NBEAL1: variants seen among roughly 807,000 people sequenced by gnomAD.
NBEAL1 encodes neurobeachin like 1.
A neutral mutation model predicts 351.3 loss-of-function variants in NBEAL1; 273 were observed. The observed-to-expected ratio is 0.78, with a 90% CI of 0.70 to 0.86. The LOEUF (loss-of-function observed/expected upper bound fraction) is 0.86, where lower values mean the gene tolerates loss of function less well. Ranked by LOEUF, NBEAL1 falls within the 40% of genes least tolerant of loss-of-function variation. NBEAL1 has a pLI of 0.00. For synonymous variants in NBEAL1, 1,050 were observed against 1,086.4 expected (o/e 0.97, Z 0.66); for missense variants, 2,961 against 3,201.3 (o/e 0.92, Z 1.81).
intron 2 of NBEAL1, among the ~76,000 whole-genome samples, chr2:203,030,950 A>G (rs993980121): frequency 2.0e-5 from 3 of 152,234 alleles, no homozygotes; most frequent in Admixed American, 2.0e-4. Context: ...AGTATGTTGA[A>G]GCTGCAGTGA....
intron 41 of NBEAL1, among the ~76,000 whole-genome samples, chr2:203,173,163 A>C (rs1408229301): frequency 2.0e-5 from 3 of 152,172 alleles, no homozygotes; most frequent in African/African-American, 7.2e-5. Context: ...CAGATGTTTT[A>C]AACTTTATAA....
intron 17 of NBEAL1, among the ~76,000 whole-genome samples, chr2:203,114,233 G>A (rs1394526203): frequency 6.6e-6 from 1 of 152,082 alleles, no homozygotes; most frequent in Admixed American, 6.5e-5. Context: ...AGTCACATTG[G>A]GGATTATGGC....
chr2:203,142,297 A>G (rs962857217), intron 31 of NBEAL1, among the ~76,000 whole-genome samples: 1 of 152,198 alleles, frequency 6.6e-6, no homozygotes, highest in East Asian at 1.9e-4. Context: ...CTGGGATTAT[A>G]GGCATGTGCC....
rs374508841 is a variant in NBEAL1 at position 203,142,402 on chromosome 2, C to T, written c.4849-2198C>T. 1.2e-4 allele frequency among the ~76,000 whole-genome samples: 18 copies of T among 152,196 alleles called. No homozygotes were observed. In the East Asian group the frequency reaches 1.5e-3, roughly 13 times the overall value. ...AACTCCTGACCTCAGGTGATCTGCCCGCCTCAGCCTCCCAAAGTGCTGGGA... is the reference window on the plus strand; with the variant it reads ...AACTCCTGACCTCAGGTGATCTGCCTGCCTCAGCCTCCCAAAGTGCTGGGA... On this transcript the variant is annotated intron_variant, in intron 31 of 55. Transcript: ENST00000683969.
intron 49 of NBEAL1, 33 bp downstream of exon 49, chr2:203,199,480 A>G: frequency 9.9e-7 from 1 of 1,007,324 alleles, no homozygotes; most frequent in Non-Finnish European, 1.5e-6. Context: ...CAAAATAGCT[A>G]TACCAGATAC....
chr2:203,188,504 A>G lies in NBEAL1; in HGVS notation c.6738A>G (p.Glu2246=), dbSNP rs2064977091. The G allele has an allele frequency of 1.3e-6, 2 of 1,592,526 alleles. No homozygotes were observed. The highest frequency in any genetic ancestry group is 2.7e-5 in the African/African-American group (2 of 74,566). ...ESEYVSAHLH[E]WIDLIFGYKQ... ...AATATGTTTCAGCTCATCTTCATGAATGGATAGATCTGATCTTTGGCTATA... is the reference window on the plus strand; with the variant it reads ...AATATGTTTCAGCTCATCTTCATGAGTGGATAGATCTGATCTTTGGCTATA... Residue 2246 remains glutamate, a synonymous_variant, in exon 45 of 56, where the codon GAA becomes GAG. Transcript: ENST00000683969.
chr2:203,055,484 A>G (rs1038096648), intron 4 of NBEAL1, among the ~76,000 whole-genome samples: 1 of 152,130 alleles, frequency 6.6e-6, no homozygotes, highest in South Asian at 2.1e-4. Context: ...ACATACCTGT[A>G]GTCCCAGCTT....
At chr2:203,187,605 G>A (rs1463978116) in intron 44 of NBEAL1, among the ~76,000 whole-genome samples, 1 of 151,692 alleles carries the variant, frequency 6.6e-6, no homozygotes, top group Non-Finnish European at 1.5e-5. Flanking sequence ...GCTGGGCGTG[G>A]TGGCAGGCGC....
At chr2:203,072,324 C>G (rs541784835) in intron 7 of NBEAL1, among the ~76,000 whole-genome samples, 8 of 152,068 alleles carry the variant, frequency 5.3e-5, no homozygotes, top group African/African-American at 1.9e-4. Context: ...ACTGAGCTGG[C>G]TGATTAAGTC....
intron 5 of NBEAL1, 114 bp from the exon 6 acceptor site, chr2:203,057,211 AT>A: frequency 1.2e-6 from 1 of 821,206 alleles, no homozygotes; most frequent in Non-Finnish European, 1.9e-6. Context: ...TCCAGTCCAT[AT>A]GATTAAATGA....
intron 36 of NBEAL1, 38 bp downstream of exon 36, chr2:203,157,863 AG>A (rs994543854): frequency 1.4e-6 from 2 of 1,426,288 alleles, no homozygotes; most frequent in Non-Finnish European, 1.8e-6. Flanking sequence ...GTTCTGAGAA[AG>A]GGGATTGCAA....
At chr2:203,108,396 G>GTTTT (rs35488570) in intron 14 of NBEAL1, among the ~76,000 whole-genome samples, 2 of 145,720 alleles carry the variant, frequency 1.4e-5, no homozygotes, top group Non-Finnish European at 1.5e-5. Flanking sequence ...TGCTGGTTAA[G>GTTTT]TTTTTTTTTT....
rs1272656961 is a variant in NBEAL1, at chr2:203,110,298, A to G, written c.2082+16A>G. 1 of 1,545,576 alleles carries G rather than the reference A, an allele frequency of 6.5e-7. No homozygotes were observed. The highest frequency in any genetic ancestry group is 2.0e-5 in the Admixed American group (1 of 49,268). On this transcript the variant is annotated intron_variant, in intron 15 of 55. Coordinates refer to ENST00000683969, the MANE Select transcript of NBEAL1 (RefSeq NM_001378026.1). ...TTCCCTCTGGGTAAGGCTTTAGGGC[A>G]TCACATTTAACTTCTAGTATGGTTA...
chr2:203,042,787 C>A (rs1221016098), intron 3 of NBEAL1, among the ~76,000 whole-genome samples: 1 of 151,998 alleles, frequency 6.6e-6, no homozygotes, highest in East Asian at 1.9e-4. Flanking sequence ...AGGGTTTCAC[C>A]ATGTTGGCCA....
chr2:203,094,038 T>C (rs529822585), intron 10 of NBEAL1, among the ~76,000 whole-genome samples: 1 of 152,234 alleles, frequency 6.6e-6, no homozygotes, highest in Non-Finnish European at 1.5e-5. Flanking sequence ...CTAAACTTCT[T>C]CATTATACAA....
intron 36 of NBEAL1, among the ~76,000 whole-genome samples, chr2:203,161,054 A>G (rs530390487): frequency 6.6e-6 from 1 of 152,260 alleles, no homozygotes; most frequent in East Asian, 1.9e-4. Context: ...GAGGCTGGGC[A>G]CGGTGGCTTA....
At chr2:203,125,573 T>C in intron 20 of NBEAL1, 53 bp downstream of exon 20, 2 of 1,322,166 alleles carry the variant, frequency 1.5e-6, no homozygotes, top group Non-Finnish European at 2.0e-6. Flanking sequence ...GAGAATTAAT[T>C]GAGAAATAAA....
rs71034227 is a variant in NBEAL1 at position 203,190,159 on chromosome 2, TACACACACACACAC to T, written c.6824-96_6824-83del. On this transcript the variant is annotated intron_variant, in intron 45 of 55. Coordinates refer to ENST00000683969, the MANE Select transcript of NBEAL1 (RefSeq NM_001378026.1). ...TCAAAAAAAAAAAAAAAGATGTGTG[TACACACACACACAC>T]ACACACACACACACACACACACACA... 4,349 of 449,846 alleles carry T rather than the reference TACACACACACACAC, an allele frequency of 9.7e-3. 107 individuals carry two copies. Among genetic ancestry groups the T allele is most frequent in the East Asian group, 0.022 (559 of 25,122 alleles). 27.9% of individuals were successfully genotyped at this position (449,846 alleles called of 1,614,324 possible).
chr2:203,133,406 TTTC>T (rs1484288639), intron 27 of NBEAL1, among the ~76,000 whole-genome samples: 2 of 152,084 alleles, frequency 1.3e-5, no homozygotes, highest in African/African-American at 4.8e-5. Flanking sequence ...AGAGAATAAT[TTTC>T]TTATTAAGAA....
Sources: gnomAD v4.1 joint callset for allele counts (sites outside exome capture counted in the v4.1 genomes callset) on GRCh38, gnomAD v4.1.1 for gene constraint, MANE v1.5 for transcripts, NCBI Gene and HGNC (gene_info 2026-07-23, HGNC 2026-07-21) for gene names.